Variants in ARHGEF12 observed in about 807,000 individuals in gnomAD.
ARHGEF12 encodes Rho guanine nucleotide exchange factor 12.
A neutral mutation model predicts 211.2 loss-of-function variants in ARHGEF12; 66 were observed. The observed-to-expected ratio is 0.31, with a 90% confidence interval of 0.26 to 0.38. ARHGEF12 has a LOEUF of 0.38. Ranked by LOEUF, ARHGEF12 falls within the 10% of genes least tolerant of loss-of-function variation. The pLI, the probability that ARHGEF12 is intolerant of heterozygous loss-of-function variation, is 1.00. For missense variants in ARHGEF12, 1,429 were observed against 1,869.5 expected, an observed-to-expected ratio of 0.76 and a Z score of 4.34; for synonymous variants, 592 against 638.4, an observed-to-expected ratio of 0.93 and a Z score of 1.09.
chr11:120,362,866 C>G lies in ARHGEF12; in HGVS notation c.32+25591C>G, dbSNP rs949726910. Among the ~76,000 whole-genome samples, 4 of 152,034 alleles carry G rather than the reference C, an allele frequency of 2.6e-5. No homozygotes were observed. The South Asian group carries it at 8.3e-4, about 32-fold the overall frequency. On this transcript the variant is annotated intron_variant, in intron 1 of 40. Coordinates refer to ENST00000397843, the MANE Select transcript of ARHGEF12 (RefSeq NM_015313.3). ...CTGTAATCCCAGCAGTTTGGGAGGC[C>G]GAGGCGGGCGGATCATGAGGTCAGG...
At chr11:120,360,880 GAA>G (rs532958743) in intron 1 of ARHGEF12, among the ~76,000 whole-genome samples, 160 of 152,238 alleles carry the variant, frequency 1.1e-3, no homozygotes, top group African/African-American at 3.7e-3. Flanking sequence ...TGCCCACTTG[GAA>G]ATAAGTTCCT....
intron 1 of ARHGEF12, 155 bp from the exon 2 acceptor site, chr11:120,405,963 T>A: frequency 1.7e-6 from 1 of 581,640 alleles, no homozygotes; most frequent in Non-Finnish European, 2.9e-6. Flanking sequence ...AACATGGTGT[T>A]CAACTTCTTA....
chr11:120,478,909 G>A (rs538160044), intron 37 of ARHGEF12, among the ~76,000 whole-genome samples: 44 of 152,298 alleles, frequency 2.9e-4, no homozygotes, highest in African/African-American at 1.0e-3. Context: ...TTCTTTGAAT[G>A]TGAGGTCAAA....
At chr11:120,392,312 T>G (rs1396043053) in intron 1 of ARHGEF12, among the ~76,000 whole-genome samples, 1 of 152,196 alleles carries the variant, frequency 6.6e-6, no homozygotes, top group African/African-American at 2.4e-5. Flanking sequence ...TTGAATAAAC[T>G]AAATTAATGT....
intron 27 of ARHGEF12, chr11:120,463,883 T>C (rs1358085881): frequency 6.6e-6 from 1 of 152,232 alleles, no homozygotes; most frequent in African/African-American, 2.4e-5. Flanking sequence ...AACATCTTCG[T>C]AAACCATAAA....
intron 27 of ARHGEF12, chr11:120,463,307 C>G (rs1946591477): frequency 6.6e-6 from 1 of 152,394 alleles, no homozygotes; most frequent in Non-Finnish European, 1.5e-5. Context: ...AGGCAGATCA[C>G]CTGAGGTCAG....
intron 1 of ARHGEF12, among the ~76,000 whole-genome samples, chr11:120,347,152 C>CTTTCT (rs1565416949): frequency 6.6e-5 from 3 of 45,294 alleles, no homozygotes; most frequent in African/African-American, 4.6e-4. Context: ...TCCTTCCTTC[C>CTTTCT]TTCCTTCCTT....
chr11:120,457,656 C>T, intron 23 of ARHGEF12, 65 bp from the exon 24 acceptor site: 1 of 1,257,322 alleles, frequency 8.0e-7, no homozygotes. Flanking sequence ...CTTTGAGTAT[C>T]TTTGGTATAA....
At chr11:120,453,556 A>G (rs1946273486) in intron 22 of ARHGEF12, among the ~76,000 whole-genome samples, 1 of 152,146 alleles carries the variant, frequency 6.6e-6, no homozygotes, top group Non-Finnish European at 1.5e-5. Flanking sequence ...TGTCTCTACA[A>G]AAAATGAAGA....
chr11:120,437,303 A>C lies in ARHGEF12; in HGVS notation c.925-5A>C. 1 of 1,602,256 alleles carries C rather than the reference A, an allele frequency of 6.2e-7. No individual in the cohort carries two copies. The highest frequency in any genetic ancestry group is 1.1e-5 in the South Asian group (1 of 88,644). Reference sequence around the variant, plus strand: ...ATGAACTGAAGATCTTGTTTTTTTCATTAGAGTCCCAAGAGTGGCCCAAAA... The same window carrying C: ...ATGAACTGAAGATCTTGTTTTTTTCCTTAGAGTCCCAAGAGTGGCCCAAAA... On this transcript the variant is annotated splice_region_variant and splice_polypyrimidine_tract_variant and intron_variant, in intron 11 of 40. Coordinates refer to ENST00000397843, the MANE Select transcript of ARHGEF12 (RefSeq NM_015313.3).
chr11:120,466,785 A>C (rs1946717155), intron 28 of ARHGEF12, among the ~76,000 whole-genome samples: 1 of 152,232 alleles, frequency 6.6e-6, no homozygotes, highest in Non-Finnish European at 1.5e-5. Context: ...ATGAGCTGGC[A>C]TACTCGACTG....
intron 13 of ARHGEF12, among the ~76,000 whole-genome samples, chr11:120,440,788 A>G (rs1945846780): frequency 6.6e-6 from 1 of 152,126 alleles, no homozygotes; most frequent in South Asian, 2.1e-4. Context: ...TTAGGGAGAA[A>G]ACACTCAGTC....
rs1461782036 is a variant in ARHGEF12, at chr11:120,488,831, A to C, written c.*3754A>C. The C allele has an allele frequency of 4.8e-6, 1 of 209,484 alleles. No homozygotes were observed. Among genetic ancestry groups the C allele is most frequent in the East Asian group, 7.3e-5 (1 of 13,724 alleles). 13.0% of individuals were successfully genotyped at this position (209,484 alleles called of 1,614,324 possible). A position where few individuals can be genotyped will look rare whatever the true frequency, so the allele number is the denominator to read the frequency against. Reference sequence around the variant, plus strand: ...ACTTTATTAATAATCATGTATTTTTACTGATCACATTTTGAAATGCCTAAA... The same window carrying C: ...ACTTTATTAATAATCATGTATTTTTCCTGATCACATTTTGAAATGCCTAAA... On this transcript the variant is annotated 3_prime_UTR_variant, in exon 41 of 41. Transcript: ENST00000397843.
chr11:120,469,451 G>A, intron 30 of ARHGEF12, 63 bp downstream of exon 30: 1 of 1,313,884 alleles, frequency 7.6e-7, no homozygotes, highest in Non-Finnish European at 1.1e-6. Flanking sequence ...AATATTACCT[G>A]GAATCTGTGA....
intron 4 of ARHGEF12, among the ~76,000 whole-genome samples, chr11:120,418,383 T>C (rs574263673): frequency 6.6e-6 from 1 of 152,374 alleles, no homozygotes; most frequent in African/African-American, 2.4e-5. Context: ...CCATGTTTGT[T>C]GTATGAGTAG....
chr11:120,401,517 A>G (rs1944548041), intron 1 of ARHGEF12, among the ~76,000 whole-genome samples: 2 of 152,226 alleles, frequency 1.3e-5, no homozygotes, highest in Admixed American at 1.3e-4. Flanking sequence ...AAGCCATTCT[A>G]ATTGTTTTGT....
Position 120,407,765 on chromosome 11 carries a change from A to G in ARHGEF12, c.84A>G (p.Ser28=), listed in dbSNP as rs779434595. 1.4e-5 allele frequency: 22 copies of G among 1,613,546 alleles called. No individual in the cohort carries two copies. The highest frequency in any genetic ancestry group is 1.9e-5 in the Non-Finnish European group (22 of 1,179,814). ...IRHGSILNRE[S]PTDKKQKVER... ...ATGGAAGTATTTTGAACCGAGAGTC[A>G]CCAACAGATAAGAAGCAGAAAGTTG... The change falls in exon 3 of 41, where the codon TCA becomes TCG. Residue 28 remains serine (S), a synonymous_variant. Transcript: ENST00000397843.
At chr11:120,425,410 C>T (rs1945314685) in intron 7 of ARHGEF12, among the ~76,000 whole-genome samples, 1 of 148,780 alleles carries the variant, frequency 6.7e-6, no homozygotes, top group South Asian at 2.1e-4. Flanking sequence ...AATTATAGCT[C>T]ACTACAGCCT....
Position 120,336,448 on chromosome 11 carries a change from C to T in ARHGEF12, c.-796C>T, listed in dbSNP as rs1353851395. Reference sequence around the variant, plus strand: ...GAGCCGGCCCTGCGCCGGGAGACGCCGCCGCCTCCGCCTCCCGGACCAGGG... The same window carrying T: ...GAGCCGGCCCTGCGCCGGGAGACGCTGCCGCCTCCGCCTCCCGGACCAGGG... On this transcript the variant is annotated 5_prime_UTR_variant, in exon 1 of 41. Transcript: ENST00000397843. 1.3e-5 allele frequency among the ~76,000 whole-genome samples: 2 copies of T among 151,572 alleles called. No homozygotes were observed. Among genetic ancestry groups the T allele is most frequent in the African/African-American group, 4.8e-5 (2 of 41,358 alleles).
Sources: gnomAD v4.1 joint callset for allele counts (sites outside exome capture counted in the v4.1 genomes callset) on GRCh38, gnomAD v4.1.1 for gene constraint, MANE v1.5 for transcripts, NCBI Gene and HGNC (gene_info 2026-07-23, HGNC 2026-07-21) for gene names.